The following LMBR1 variants were observed in gnomAD, a reference collection of about 807,000 sequenced individuals.
LMBR1 encodes the protein limb development membrane protein 1, also known as limb region 1 protein homolog.
In LMBR1, 52 loss-of-function variants were observed where a neutral mutation model predicts 73.9. The ratio of observed to expected loss-of-function variants is 0.70; its 90% CI spans 0.56 to 0.89. The LOEUF is 0.89. Among genes scored for constraint, LMBR1 ranks in the 40% least tolerant of loss-of-function variants. LMBR1 has a pLI of 0.00. For missense variants in LMBR1, 539 were observed against 579.8 expected, an observed-to-expected ratio of 0.93 and a Z score of 0.72; for synonymous variants, 215 against 209.4, an observed-to-expected ratio of 1.03 and a Z score of -0.23.
At chr7:156,827,928 T>G (rs1835981611) in intron 3 of LMBR1, among the ~76,000 whole-genome samples, 1 of 152,172 alleles carries the variant, frequency 6.6e-6, no homozygotes, top group African/African-American at 2.4e-5. Flanking sequence ...GATACAGAAT[T>G]TCTGTGAATT....
intron 1 of LMBR1, among the ~76,000 whole-genome samples, chr7:156,869,694 C>T (rs1798984645): frequency 6.6e-6 from 1 of 152,096 alleles, no homozygotes; most frequent in Non-Finnish European, 1.5e-5. Flanking sequence ...AGATTAAACT[C>T]TAGTAAAAGC....
intron 4 of LMBR1, among the ~76,000 whole-genome samples, chr7:156,824,626 G>A (rs1292304629): frequency 1.3e-5 from 2 of 152,062 alleles, no homozygotes; most frequent in Non-Finnish European, 2.9e-5. Flanking sequence ...GAGATCACTT[G>A]AACCCAAGAG....
chr7:156,885,252 C>A (rs772786549), intron 1 of LMBR1, among the ~76,000 whole-genome samples: 5 of 151,966 alleles, frequency 3.3e-5, no homozygotes, highest in South Asian at 2.1e-4. Flanking sequence ...ACTTGGGAGG[C>A]TGAGGCAGGA....
chr7:156,771,619 G>A (rs1166718895), intron 5 of LMBR1, among the ~76,000 whole-genome samples: 1 of 152,090 alleles, frequency 6.6e-6, no homozygotes, highest in African/African-American at 2.4e-5. Flanking sequence ...AAAACGCTCA[G>A]GATCAGATAA....
chr7:156,796,558 G>T, intron 4 of LMBR1, 66 bp from the exon 5 acceptor site: 1 of 986,302 alleles, frequency 1.0e-6, no homozygotes, highest in Non-Finnish European at 1.5e-6. Flanking sequence ...TATTAATCAA[G>T]ATCTATACTT....
intron 9 of LMBR1, among the ~76,000 whole-genome samples, chr7:156,743,551 G>A (rs939827734): frequency 2.6e-5 from 4 of 152,148 alleles, no homozygotes; most frequent in African/African-American, 9.7e-5. Context: ...GACATCAAGG[G>A]ACTAAAAGTA....
intron 15 of LMBR1, among the ~76,000 whole-genome samples, chr7:156,694,593 T>G (rs1288448143): frequency 2.0e-5 from 3 of 152,168 alleles, no homozygotes; most frequent in Admixed American, 1.3e-4. Context: ...TTAGAAAAAC[T>G]TTAAAAATCC....
At chr7:156,840,273 C>T (rs977572410) in intron 1 of LMBR1, among the ~76,000 whole-genome samples, 5 of 152,030 alleles carry the variant, frequency 3.3e-5, no homozygotes, top group Non-Finnish European at 7.4e-5. Flanking sequence ...TAAAGTGTGT[C>T]GTATGATAAT....
chr7:156,720,032 G>T (rs1403153431), intron 15 of LMBR1, among the ~76,000 whole-genome samples: 2 of 151,702 alleles, frequency 1.3e-5, no homozygotes. Flanking sequence ...TACCATTCAG[G>T]ACACAGGCAT....
At chr7:156,776,833 A>G (rs944840364) in intron 5 of LMBR1, among the ~76,000 whole-genome samples, 11 of 152,152 alleles carry the variant, frequency 7.2e-5, no homozygotes, top group Non-Finnish European at 1.6e-4. Context: ...TTATACAATC[A>G]TGAGAAAGTT....
intron 5 of LMBR1, among the ~76,000 whole-genome samples, chr7:156,775,141 G>A (rs114402258): frequency 7.0e-4 from 106 of 152,284 alleles, no homozygotes; most frequent in African/African-American, 2.4e-3. Flanking sequence ...GCCCGGGTGG[G>A]CAGATCACTT....
At chr7:156,866,578 G>A (rs1482132120) in intron 1 of LMBR1, among the ~76,000 whole-genome samples, 1 of 150,634 alleles carries the variant, frequency 6.6e-6, no homozygotes, top group African/African-American at 2.4e-5. Flanking sequence ...AGGACATACA[G>A]GAATTTCTTA....
At chr7:156,727,506 G>A (rs536851795) in intron 12 of LMBR1, among the ~76,000 whole-genome samples, 5 of 152,166 alleles carry the variant, frequency 3.3e-5, no homozygotes, top group Non-Finnish European at 7.4e-5. Flanking sequence ...TCTGTAGGAT[G>A]AGGCACCTGG....
intron 4 of LMBR1, among the ~76,000 whole-genome samples, chr7:156,798,462 C>G (rs963745320): frequency 1.2e-4 from 18 of 152,082 alleles, no homozygotes; most frequent in African/African-American, 4.3e-4. Context: ...AATCTCTTCC[C>G]TCCCCCAACA....
intron 4 of LMBR1, among the ~76,000 whole-genome samples, chr7:156,671,235 G>C (rs975858063): frequency 1.3e-5 from 2 of 152,218 alleles, no homozygotes; most frequent in Non-Finnish European, 2.9e-5. Flanking sequence ...TGCACCGTTT[G>C]TCTGTCAGTA....
rs1345737927 is a variant in LMBR1, at chr7:156,836,882, A to G, written c.70T>C (p.Cys24Arg). 6.4e-7 allele frequency: 1 copy of G among 1,569,568 alleles called. No individual in the cohort carries two copies. Among genetic ancestry groups the G allele is most frequent in the African/African-American group, 1.4e-5 (1 of 73,826 alleles). ...TAGAGAATGGCAAAAAGAAGGAAAC[A>G]TATCTGAAACAAAACGAAGTTAACA... The part of the protein sequence containing the change: ...FHSQVRESTI[C>R]FLLFAILYVV... The change falls in exon 2 of 17, where the codon TGT (cysteine) becomes CGT (arginine). Residue 24 changes from cysteine to arginine, a missense_variant. Cys to Arg is a radical substitution (Grantham distance 180). Transcript: ENST00000353442.
At chr7:156,750,180 C>G (rs1000401611) in intron 9 of LMBR1, among the ~76,000 whole-genome samples, 3 of 152,150 alleles carry the variant, frequency 2.0e-5, no homozygotes, top group Non-Finnish European at 2.9e-5. Context: ...TATGGTACTA[C>G]TTCCAAAGTT....
chr7:156,886,671 T>C (rs1197336744), intron 1 of LMBR1, among the ~76,000 whole-genome samples: 4 of 152,184 alleles, frequency 2.6e-5, no homozygotes, highest in African/African-American at 4.8e-5. Context: ...TATCTTAATA[T>C]TGCTTATCTG....
At chr7:156,791,787 G>A (rs905578289) in intron 5 of LMBR1, among the ~76,000 whole-genome samples, 1 of 152,148 alleles carries the variant, frequency 6.6e-6, no homozygotes, top group African/African-American at 2.4e-5. Context: ...GCCATTCAGG[G>A]ATGTCTGGAT....
Sources: allele counts gnomAD v4.1 joint callset (sites outside exome capture counted in the v4.1 genomes callset), GRCh38; gene constraint gnomAD v4.1.1; transcripts MANE v1.5; gene names NCBI Gene and HGNC (gene_info 2026-07-23, HGNC 2026-07-21).